COL5A2: variants seen among roughly 807,000 people sequenced by gnomAD.
COL5A2 encodes collagen type V alpha 2 chain.
Under a neutral mutation model 208.2 loss-of-function variants are expected in COL5A2, and 23 were observed. That is an observed-to-expected ratio of 0.11 (90% CI 0.08 to 0.16). COL5A2 has a LOEUF of 0.16. Among genes scored for constraint, COL5A2 ranks in the 10% least tolerant of loss-of-function variants. The probability of loss-of-function intolerance (pLI) is 1.00; values close to 1 mark genes in which losing one functional copy is unlikely to be tolerated. For missense variants in COL5A2, 1,590 were observed against 1,956.4 expected (o/e 0.81, Z 3.53); for synonymous variants, 625 against 628.5 (o/e 0.99, Z 0.08).
At chr2:189,415,343 A>C in the COL5A2 span, among the ~76,000 whole-genome samples, 1 of 152,168 alleles carries the variant, frequency 6.6e-6, no homozygotes, top group African/African-American at 2.4e-5. Flanking sequence ...AATTTTCTTG[A>C]ACCGTGGTCA....
At chr2:189,224,647 CCACTG>C (rs1689390265) in intron 1 of COL5A2, among the ~76,000 whole-genome samples, 1 of 151,938 alleles carries the variant, frequency 6.6e-6, no homozygotes, top group Non-Finnish European at 1.5e-5. Context: ...TGAGAACATG[CCACTG>C]CACTCCAGTC....
chr2:189,092,588 A>G (rs1052923489), intron 6 of COL5A2, among the ~76,000 whole-genome samples, 168 bp from the exon 7 acceptor site: 1 of 152,232 alleles, frequency 6.6e-6, no homozygotes, highest in Non-Finnish European at 1.5e-5. Context: ...TGATTTCAGC[A>G]TAGGTCTGAA....
chr2:189,384,380 T>C, the COL5A2 span, among the ~76,000 whole-genome samples: 3 of 152,120 alleles, frequency 2.0e-5, no homozygotes, highest in Admixed American at 6.6e-5. Context: ...TAATAGTGTA[T>C]AAGGATTCCC....
At chr2:189,426,810 A>C in the COL5A2 span, among the ~76,000 whole-genome samples, 1 of 152,256 alleles carries the variant, frequency 6.6e-6, no homozygotes, top group Non-Finnish European at 1.5e-5. Flanking sequence ...ATTTCTAAGC[A>C]GCAAAACATT....
At chr2:189,214,085 T>C (rs1048841271) in intron 1 of COL5A2, among the ~76,000 whole-genome samples, 2 of 152,200 alleles carry the variant, frequency 1.3e-5, no homozygotes, top group Admixed American at 1.3e-4. Flanking sequence ...CTATAGTTAT[T>C]TGTGTACATA....
chr2:189,189,768 A>C (rs375254789), intron 1 of COL5A2, among the ~76,000 whole-genome samples: 30 of 152,288 alleles, frequency 2.0e-4, no homozygotes, highest in African/African-American at 6.7e-4. Flanking sequence ...ATAAATAACA[A>C]ATACGCATTA....
chr2:189,310,377 T>C, the COL5A2 span, among the ~76,000 whole-genome samples: 1 of 152,214 alleles, frequency 6.6e-6, no homozygotes, highest in Non-Finnish European at 1.5e-5. Flanking sequence ...GATATCATTA[T>C]ACCATTTGGA....
rs565023897 is a variant in COL5A2 at position 189,032,510 on chromosome 2, C to T, written c.*1560G>A. ...TCAAAGGAATTTCACAAAACAAAAA[C>T]CACTGACATGACAAAAGCGTGCATT... On this transcript the variant is annotated 3_prime_UTR_variant, in exon 54 of 54. Transcript: ENST00000374866. The T allele has an allele frequency of 2.0e-5, 3 of 152,132 alleles. No individual in the cohort carries two copies. The East Asian group carries it at 5.8e-4, about 29-fold the overall frequency. The allele number at this position is 152,132 out of a possible 1,614,324, so 9.4% of individuals were successfully genotyped here. A position where few individuals can be genotyped will look rare whatever the true frequency, so the allele number is the denominator to read the frequency against.
chr2:189,308,056 C>G, the COL5A2 span, among the ~76,000 whole-genome samples: 1 of 152,222 alleles, frequency 6.6e-6, no homozygotes, highest in African/African-American at 2.4e-5. Context: ...TCCAAGAACT[C>G]TCTCTTGGGG....
chr2:189,319,240 G>A, the COL5A2 span, among the ~76,000 whole-genome samples: 20 of 151,996 alleles, frequency 1.3e-4, no homozygotes, highest in African/African-American at 3.6e-4. Flanking sequence ...CAGCGTGAGC[G>A]GCGCAGAAGA....
At chr2:189,090,659 T>C (rs1686765282) in intron 7 of COL5A2, among the ~76,000 whole-genome samples, 1 of 152,174 alleles carries the variant, frequency 6.6e-6, no homozygotes, top group Non-Finnish European at 1.5e-5. Context: ...CTAAGACCAG[T>C]GTTTATTTCT....
chr2:189,186,450 A>C (rs1201684279), intron 1 of COL5A2, among the ~76,000 whole-genome samples: 1 of 152,228 alleles, frequency 6.6e-6, no homozygotes, highest in Non-Finnish European at 1.5e-5. Flanking sequence ...TTAGCACTTT[A>C]TATGTATTAA....
At chr2:189,287,761 T>C in the COL5A2 span, among the ~76,000 whole-genome samples, 2 of 152,246 alleles carry the variant, frequency 1.3e-5, no homozygotes, top group African/African-American at 4.8e-5. Context: ...CTAAAAATGT[T>C]ATATTCTACT....
chr2:189,313,589 T>C, the COL5A2 span, among the ~76,000 whole-genome samples: 3 of 152,014 alleles, frequency 2.0e-5, no homozygotes, highest in African/African-American at 7.2e-5. Flanking sequence ...TCCACACATA[T>C]CAATACTAAC....
In COL5A2 at chr2:189,048,232, G is replaced by T. The variant is rs374549843; in HGVS notation, c.3178C>A (p.Arg1060=). Residue 1060 remains arginine (R), a synonymous_variant, in exon 45 of 54, where the codon CGG becomes AGG. Coordinates refer to ENST00000374866, the MANE Select transcript of COL5A2 (RefSeq NM_000393.5). ...GPAGNDGTPG[R]DGAVGERGDR... ...ACACGTTCTCCAACAGCACCATCCC[G>T]TCCTGGGGTACCATCATTGCCAGCT... The T allele has an allele frequency of 3.1e-6, 5 of 1,613,792 alleles. No individual in the cohort carries two copies. The highest frequency in any genetic ancestry group is 4.2e-6 in the Non-Finnish European group (5 of 1,179,922).
intron 1 of COL5A2, among the ~76,000 whole-genome samples, chr2:189,191,152 C>CAAAAAAAAA: frequency 4.7e-5 from 1 of 21,062 alleles, no homozygotes; most frequent in Non-Finnish European, 1.8e-4. Flanking sequence ...AAAAAAAAAA[C>CAAAAAAAAA]AAAAAACAAA....
chr2:189,307,136 A>G, the COL5A2 span, among the ~76,000 whole-genome samples: 9 of 152,308 alleles, frequency 5.9e-5, no homozygotes, highest in East Asian at 1.7e-3. Flanking sequence ...AAGAGATTCC[A>G]CATATATAAC....
chr2:189,261,132 T>C, the COL5A2 span, among the ~76,000 whole-genome samples: 1 of 152,286 alleles, frequency 6.6e-6, no homozygotes, highest in East Asian at 1.9e-4. Context: ...AATTGCTTGA[T>C]GTAACTCACA....
chr2:189,101,616 G>T (rs958724157), intron 3 of COL5A2, among the ~76,000 whole-genome samples: 5 of 152,042 alleles, frequency 3.3e-5, no homozygotes, highest in Non-Finnish European at 7.4e-5. Context: ...TCACCAAATT[G>T]TACTACTAAA....
Sources: gnomAD v4.1 joint callset for allele counts (sites outside exome capture counted in the v4.1 genomes callset) on GRCh38, gnomAD v4.1.1 for gene constraint, MANE v1.5 for transcripts, NCBI Gene and HGNC (gene_info 2026-07-23, HGNC 2026-07-21) for gene names.